The following SCOC variants were observed in gnomAD, a reference collection of about 807,000 sequenced individuals.
SCOC encodes the protein short coiled-coil protein, also known as short coiled coil protein.
In SCOC, 7 loss-of-function variants were observed where a neutral mutation model predicts 9.9. The ratio of observed to expected loss-of-function variants is 0.71; its 90% CI spans 0.40 to 1.33. SCOC has a LOEUF of 1.33. SCOC is among the 40% of genes most tolerant of loss of function. The probability of loss-of-function intolerance (pLI) is 0.01; values close to 1 mark genes in which losing one functional copy is unlikely to be tolerated. For synonymous variants in SCOC, 19 were observed against 28.2 expected (o/e 0.67, Z 1.03); for missense variants, 66 against 89.7 (o/e 0.74, Z 1.07).
intron 1 of SCOC, among the ~76,000 whole-genome samples, chr4:140,327,919 G>A (rs1732696871): frequency 6.6e-6 from 1 of 152,102 alleles, no homozygotes; most frequent in Admixed American, 6.6e-5. Context: ...TGCTTGTTGG[G>A]CAGCTCAAAG....
At chr4:140,340,749 C>G (rs199899535), upstream of SCOC, among the ~76,000 whole-genome samples, 1 of 141,884 alleles carries the variant, frequency 7.0e-6, no homozygotes, top group East Asian at 2.0e-4. Context: ...AACTTTTGCT[C>G]AGTGAATATG....
intron 1 of SCOC, among the ~76,000 whole-genome samples, chr4:140,329,029 A>C (rs1193711027): frequency 4.6e-5 from 7 of 152,236 alleles, no homozygotes; most frequent in Non-Finnish European, 8.8e-5. Flanking sequence ...TGAAGGCATC[A>C]CATTACCCAA....
chr4:140,272,429 C>T (rs1730867230), intron 1 of SCOC, among the ~76,000 whole-genome samples: 1 of 152,158 alleles, frequency 6.6e-6, no homozygotes, highest in African/African-American at 2.4e-5. Context: ...CTGGGCCCTA[C>T]CCCTCACCAA....
At chr4:140,268,849 G>T (rs1374913016) in intron 1 of SCOC, among the ~76,000 whole-genome samples, 2 of 152,310 alleles carry the variant, frequency 1.3e-5, no homozygotes, top group Admixed American at 1.3e-4. Context: ...AGAGAGAAAT[G>T]CCAACTGGGA....
At chr4:140,357,383 T>C (rs1487377617) in intron 2 of SCOC, among the ~76,000 whole-genome samples, 1 of 152,196 alleles carries the variant, frequency 6.6e-6, no homozygotes, top group Non-Finnish European at 1.5e-5. Flanking sequence ...AGTAAATTTG[T>C]CTTCAAATTT....
chr4:140,318,408 A>G (rs1434657001), intron 1 of SCOC, among the ~76,000 whole-genome samples: 45 of 109,336 alleles, frequency 4.1e-4, no homozygotes, highest in African/African-American at 2.0e-3. Context: ...CCCCATCAAA[A>G]AGTGGGCGAG....
At chr4:140,265,655 T>G (rs1380459642) in intron 1 of SCOC, among the ~76,000 whole-genome samples, 1 of 152,210 alleles carries the variant, frequency 6.6e-6, no homozygotes, top group Admixed American at 6.5e-5. Flanking sequence ...TTGATCAAAA[T>G]TTGGTGATTG....
chr4:140,294,510 A>G (rs774139874), intron 1 of SCOC, among the ~76,000 whole-genome samples: 1 of 152,174 alleles, frequency 6.6e-6, no homozygotes, highest in Non-Finnish European at 1.5e-5. Flanking sequence ...TGTGGGTACA[A>G]ACAATTGTAC....
chr4:140,343,640 T>TGGAC lies in SCOC; in HGVS notation c.5_8dup (p.Ser4_?3). On this transcript the variant is annotated frameshift_variant and start_lost, in exon 2 of 5. Transcript: ENST00000338517. LOFTEE classifies it high-confidence loss of function. The stretch of plus-strand genomic sequence containing the variant: ...TAACAGGTCTGAAAATTGAACAAGA[T>TGGAC]GGACGGGTCCAGGAAAGAGGAGGAG... 1 of 1,613,244 alleles carries TGGAC rather than the reference T, an allele frequency of 6.2e-7. No individual in the cohort carries two copies. Among genetic ancestry groups the TGGAC allele is most frequent in the Non-Finnish European group, 8.5e-7 (1 of 1,179,398 alleles).
intron 1 of SCOC, among the ~76,000 whole-genome samples, chr4:140,377,109 C>G (rs1033431911): frequency 2.6e-5 from 4 of 152,206 alleles, no homozygotes; most frequent in Admixed American, 1.3e-4. Context: ...GCTGTTGCCT[C>G]TCTCATCTTA....
chr4:140,366,822 GC>G, intron 2 of SCOC: 1 of 965,206 alleles, frequency 1.0e-6, no homozygotes, highest in Non-Finnish European at 1.7e-6. Flanking sequence ...AGGGGATGTA[GC>G]CCACACGGCC....
At chr4:140,334,233 C>T (rs986513119) in intron 1 of SCOC, among the ~76,000 whole-genome samples, 3 of 152,154 alleles carry the variant, frequency 2.0e-5, no homozygotes, top group Non-Finnish European at 4.4e-5. Flanking sequence ...TATTATCTGC[C>T]TACCTAAATA....
At position 140,383,843 on chromosome 4, in the gene SCOC, A is replaced by G. The variant is rs1276814966; in HGVS notation, c.*2739A>G. The G allele has an allele frequency of 6.6e-6, 1 of 152,152 alleles. No individual in the cohort carries two copies. Among genetic ancestry groups the G allele is most frequent in the Non-Finnish European group, 1.5e-5 (1 of 68,024 alleles). 9.4% of individuals were successfully genotyped at this position (152,152 alleles called of 1,614,324 possible). The stretch of plus-strand genomic sequence containing the variant: ...GGAACCACAACCAAGCTTTTGACCA[A>G]ATTCTCAAAGTATGTATTATTTTTG... On this transcript the variant is annotated 3_prime_UTR_variant, in exon 4 of 4. Coordinates refer to ENST00000608372, the MANE Select transcript of SCOC (RefSeq NM_001153484.2).
intron 1 of SCOC, among the ~76,000 whole-genome samples, chr4:140,288,626 C>T (rs1181637719): frequency 5.3e-5 from 8 of 151,810 alleles, no homozygotes; most frequent in African/African-American, 1.9e-4. Flanking sequence ...CATACACATA[C>T]ATAACACCAA....
At chr4:140,321,813 C>T (rs1353487044) in intron 1 of SCOC, among the ~76,000 whole-genome samples, 15 of 152,148 alleles carry the variant, frequency 9.9e-5, no homozygotes, top group Admixed American at 9.8e-4. Context: ...GACAGACATT[C>T]TTATGTTCTG....
intron 3 of SCOC, among the ~76,000 whole-genome samples, 153 bp from the exon 4 acceptor site, chr4:140,380,809 G>T (rs769466271): frequency 6.6e-6 from 1 of 152,050 alleles, no homozygotes; most frequent in Admixed American, 6.6e-5. Context: ...CTACTAATTT[G>T]TACTCAGTTT....
chr4:140,334,375 C>T (rs1303711922), intron 1 of SCOC, among the ~76,000 whole-genome samples: 2 of 152,068 alleles, frequency 1.3e-5, no homozygotes, highest in Admixed American at 1.3e-4. Flanking sequence ...AAGCTAATTG[C>T]TTATGTAAAG....
rs565140149 is a variant in SCOC at position 140,279,148 on chromosome 4, C to G, written c.-19+21738C>G. Reference sequence around the variant, plus strand: ...CCTTTGCACAAGCTGTTGTTGCCACCTGGAGAATATTCTCTCTCATTCTCC... The same window carrying G: ...CCTTTGCACAAGCTGTTGTTGCCACGTGGAGAATATTCTCTCTCATTCTCC... On this transcript the variant is annotated intron_variant, in intron 1 of 4. Transcript: ENST00000394205. Among the ~76,000 whole-genome samples the G allele has an allele frequency of 4.1e-4, 63 of 152,230 alleles. 1 individual carries two copies. The highest frequency in any genetic ancestry group is 2.2e-3 in the Admixed American group (34 of 15,280).
At chr4:140,272,432 C>T (rs1730867378) in intron 1 of SCOC, among the ~76,000 whole-genome samples, 2 of 152,182 alleles carry the variant, frequency 1.3e-5, no homozygotes, top group Non-Finnish European at 1.5e-5. Flanking sequence ...GGCCCTACCC[C>T]TCACCAAAGA....
Sources: gnomAD v4.1 joint callset for allele counts (sites outside exome capture counted in the v4.1 genomes callset) on GRCh38, gnomAD v4.1.1 for gene constraint, MANE v1.5 for transcripts, NCBI Gene and HGNC (gene_info 2026-07-23, HGNC 2026-07-21) for gene names.